Variants in ATP10D observed in about 807,000 individuals in gnomAD.
ATP10D encodes the protein phospholipid-transporting ATPase VD.
ATP10D carries 89 observed loss-of-function variants against 144.8 expected under a neutral mutation model. The ratio of observed to expected loss-of-function variants is 0.61; its 90% CI spans 0.52 to 0.73. The LOEUF (loss-of-function observed/expected upper bound fraction) is 0.73. ATP10D is among the 30% of genes least tolerant of loss of function. The pLI is 0.00. For synonymous variants in ATP10D, 571 were observed against 615.1 expected, an observed-to-expected ratio of 0.93 and a Z score of 1.06; for missense variants, 1,603 against 1,714.8, an observed-to-expected ratio of 0.93 and a Z score of 1.15.
intron 9 of ATP10D, among the ~76,000 whole-genome samples, chr4:47,541,990 T>A (rs970463427): frequency 6.6e-6 from 1 of 152,006 alleles, no homozygotes; most frequent in Non-Finnish European, 1.5e-5. Flanking sequence ...TATTTTGGAG[T>A]CTACCTTAAG....
chr4:47,535,083 T>G (rs1717768812), intron 5 of ATP10D, among the ~76,000 whole-genome samples: 1 of 152,094 alleles, frequency 6.6e-6, no homozygotes, highest in Non-Finnish European at 1.5e-5. Context: ...AAATATGACA[T>G]GTTCTCACTT....
intron 19 of ATP10D, among the ~76,000 whole-genome samples, chr4:47,579,182 T>G (rs191922610): frequency 1.2e-4 from 18 of 152,350 alleles, no homozygotes; most frequent in African/African-American, 4.1e-4. Flanking sequence ...TGAAAAGTCA[T>G]TTTCAATCAT....
intron 1 of ATP10D, among the ~76,000 whole-genome samples, chr4:47,493,569 C>T (rs1715200822): frequency 6.6e-6 from 1 of 151,922 alleles, no homozygotes; most frequent in African/African-American, 2.4e-5. Context: ...GTATGACATG[C>T]ACTTTTGACT....
intron 1 of ATP10D, among the ~76,000 whole-genome samples, chr4:47,498,518 A>G (rs1439553303): frequency 6.6e-6 from 1 of 152,204 alleles, no homozygotes; most frequent in African/African-American, 2.4e-5. Flanking sequence ...AGGCCATTTT[A>G]AGGGTCAAGA....
chr4:47,536,141 A>G (rs1717835607), intron 7 of ATP10D, 108 bp downstream of exon 7: 2 of 1,344,964 alleles, frequency 1.5e-6, no homozygotes, highest in Non-Finnish European at 2.1e-6. Flanking sequence ...GGATTTTGTC[A>G]GTAGTGTTTT....
At chr4:47,552,315 A>G (rs6829677) in intron 10 of ATP10D, among the ~76,000 whole-genome samples, 37,060 of 152,152 alleles carry the variant, frequency 0.24, 4,518 homozygotes, top group Admixed American at 0.3. Context: ...TCAGGCTGCC[A>G]GAACAAAATA....
intron 22 of ATP10D, among the ~76,000 whole-genome samples, chr4:47,589,905 CA>C (rs943228508): frequency 6.6e-5 from 10 of 152,082 alleles, no homozygotes; most frequent in Non-Finnish European, 1.2e-4. Flanking sequence ...AATATGAAAA[CA>C]ATCTTGCATT....
intron 1 of ATP10D, among the ~76,000 whole-genome samples, chr4:47,509,802 A>G (rs1716215233): frequency 6.6e-6 from 1 of 152,158 alleles, no homozygotes; most frequent in Non-Finnish European, 1.5e-5. Context: ...TTTTACCAAC[A>G]TGTACACTAA....
intron 9 of ATP10D, among the ~76,000 whole-genome samples, chr4:47,546,230 T>G (rs953072392): frequency 6.6e-6 from 1 of 152,078 alleles, no homozygotes; most frequent in Non-Finnish European, 1.5e-5. Flanking sequence ...ATGAAATTAC[T>G]TAAAGAAAGA....
chr4:47,489,866 C>T (rs544148374), intron 1 of ATP10D, among the ~76,000 whole-genome samples: 29 of 152,152 alleles, frequency 1.9e-4, no homozygotes, highest in Non-Finnish European at 3.5e-4. Context: ...CCAGGGCCTA[C>T]GGCTGATAGG....
intron 3 of ATP10D, among the ~76,000 whole-genome samples, chr4:47,516,754 T>C (rs1374368893): frequency 6.6e-6 from 1 of 152,202 alleles, no homozygotes; most frequent in Non-Finnish European, 1.5e-5. Context: ...AGAAATTAGT[T>C]CTGTTTTTTC....
intron 5 of ATP10D, among the ~76,000 whole-genome samples, chr4:47,530,476 C>A (rs191927961): frequency 1.3e-5 from 2 of 150,662 alleles, no homozygotes; most frequent in African/African-American, 4.9e-5. Flanking sequence ...GTTTGTTTTT[C>A]GAGACAGTCT....
chr4:47,515,573 G>T lies in ATP10D; in HGVS notation c.388G>T (p.Val130Phe). The T allele has an allele frequency of 6.2e-7, 1 of 1,613,194 alleles. No individual in the cohort carries two copies. Among genetic ancestry groups the T allele is most frequent in the South Asian group, 1.1e-5 (1 of 91,058 alleles). The change falls in exon 3 of 23, where the codon GTC becomes TTC. Residue 130 changes from valine (V) to phenylalanine (F), a missense_variant. Physicochemically the swap from Val to Phe is conservative, Grantham distance 50. Transcript: ENST00000273859. ...KEITMLPLVV[V>F]LTIIAIKDGL... ...AATCACCATGTTGCCTCTGGTGGTG[G>T]TCCTTACAATTATCGCAATTAAAGA...
At chr4:47,496,978 AT>A (rs961734345) in intron 1 of ATP10D, among the ~76,000 whole-genome samples, 32 of 152,122 alleles carry the variant, frequency 2.1e-4, no homozygotes, top group African/African-American at 7.5e-4. Flanking sequence ...AGTAGCTGTG[AT>A]TACAGTTGCC....
At position 47,582,092 on chromosome 4, in the gene ATP10D, GC is replaced by G; in HGVS notation, c.3753+30del. The G allele has an allele frequency of 1.9e-6, 3 of 1,553,576 alleles. No individual in the cohort carries two copies. In the East Asian group the frequency reaches 6.7e-5, roughly 35 times the overall value. ...GAGTGGTTTTCTTGCCTCTGAAGTA[GC>G]CTAAAATCTTTTATGCTTGGGGATA... On this transcript the variant is annotated intron_variant, in intron 21 of 22. Coordinates refer to ENST00000273859, the MANE Select transcript of ATP10D (RefSeq NM_020453.4).
intron 11 of ATP10D, among the ~76,000 whole-genome samples, chr4:47,556,276 A>G (rs1718988599): frequency 6.6e-6 from 1 of 152,210 alleles, no homozygotes; most frequent in Non-Finnish European, 1.5e-5. Context: ...GCAGCTTCAG[A>G]GGTGGTCAAC....
chr4:47,525,458 G>C, intron 4 of ATP10D, 99 bp from the exon 5 acceptor site: 2 of 847,274 alleles, frequency 2.4e-6, no homozygotes, highest in Non-Finnish European at 3.8e-6. Context: ...TTGCAAAAAG[G>C]CTTAGCATTA....
intron 5 of ATP10D, among the ~76,000 whole-genome samples, chr4:47,529,133 C>G (rs1362602865): frequency 6.6e-6 from 1 of 152,028 alleles, no homozygotes; most frequent in Non-Finnish European, 1.5e-5. Context: ...ATGTAGAAGC[C>G]ATTTATTTCA....
chr4:47,588,576 G>C (rs1228936133), intron 22 of ATP10D, among the ~76,000 whole-genome samples: 1 of 152,170 alleles, frequency 6.6e-6, no homozygotes. Context: ...GCCCTTTACA[G>C]AAAAGGTTTG....
Sources: allele counts gnomAD v4.1 joint callset (sites outside exome capture counted in the v4.1 genomes callset), GRCh38; gene constraint gnomAD v4.1.1; transcripts MANE v1.5; gene names NCBI Gene and HGNC (gene_info 2026-07-23, HGNC 2026-07-21).